The following SLC20A2 variants were observed in gnomAD, a reference collection of about 807,000 sequenced individuals.
The protein encoded by SLC20A2 is sodium-dependent phosphate transporter 2.
SLC20A2 carries 30 observed loss-of-function variants against 61.0 expected under a neutral mutation model. The ratio of observed to expected loss-of-function variants is 0.49; its 90% CI spans 0.37 to 0.67. The LOEUF is 0.67. Among genes scored for constraint, SLC20A2 ranks in the 30% least tolerant of loss-of-function variants. The pLI is 0.00. For synonymous variants in SLC20A2, 351 were observed against 353.3 expected, an observed-to-expected ratio of 0.99 and a Z score of 0.07; for missense variants, 626 against 866.4, an observed-to-expected ratio of 0.72 and a Z score of 3.48.
intron 8 of SLC20A2, among the ~76,000 whole-genome samples, chr8:42,434,742 C>T (rs553286089): frequency 3.3e-5 from 5 of 152,328 alleles, no homozygotes; most frequent in South Asian, 2.1e-4. Flanking sequence ...TTTCACCAGA[C>T]GCTCTCCCTG....
At chr8:42,468,347 G>C (rs994154959) in intron 2 of SLC20A2, among the ~76,000 whole-genome samples, 4 of 152,204 alleles carry the variant, frequency 2.6e-5, no homozygotes, top group African/African-American at 9.6e-5. Context: ...GAGGAGGAGA[G>C]TTTGTAAAGA....
chr8:42,502,210 A>G (rs1810364809), upstream of SLC20A2: 1 of 151,976 alleles, frequency 6.6e-6, no homozygotes, highest in African/African-American at 2.4e-5. Flanking sequence ...TTCCATTTCA[A>G]CGACTTCAAC....
intron 1 of SLC20A2, among the ~76,000 whole-genome samples, chr8:42,525,948 T>C (rs1811905938): frequency 6.6e-6 from 1 of 152,074 alleles, no homozygotes; most frequent in Non-Finnish European, 1.5e-5. Flanking sequence ...GATATAAATG[T>C]TGAATAAAGA....
intron 1 of SLC20A2, among the ~76,000 whole-genome samples, chr8:42,498,783 C>T (rs1241720301): frequency 3.4e-5 from 5 of 147,544 alleles, no homozygotes; most frequent in Non-Finnish European, 5.9e-5. Flanking sequence ...AGAGAACATT[C>T]TAGGGATGTG....
At chr8:42,439,217 C>T (rs1804571586) in intron 7 of SLC20A2, among the ~76,000 whole-genome samples, 1 of 152,198 alleles carries the variant, frequency 6.6e-6, no homozygotes, top group Admixed American at 6.5e-5. Context: ...CCAGTGCCTC[C>T]GGTTAGACTA....
chr8:42,491,530 G>C (rs896554919), intron 1 of SLC20A2, among the ~76,000 whole-genome samples: 1 of 151,878 alleles, frequency 6.6e-6, no homozygotes, highest in Non-Finnish European at 1.5e-5. Flanking sequence ...AATTAGCTGG[G>C]CATGGTGGCG....
At chr8:42,537,239 C>T (rs1470615447) in intron 1 of SLC20A2, among the ~76,000 whole-genome samples, 1 of 151,682 alleles carries the variant, frequency 6.6e-6, no homozygotes, top group Non-Finnish European at 1.5e-5. Context: ...TAAAAATTAG[C>T]TGAGCACAGT....
chr8:42,506,241 A>G (rs943371491), intron 1 of SLC20A2, among the ~76,000 whole-genome samples: 2 of 152,118 alleles, frequency 1.3e-5, no homozygotes, highest in South Asian at 4.2e-4. Flanking sequence ...TGCCTGGCCC[A>G]CGTTAGGAAT....
At chr8:42,488,465 G>A (rs1406846230) in intron 1 of SLC20A2, among the ~76,000 whole-genome samples, 2 of 152,086 alleles carry the variant, frequency 1.3e-5, no homozygotes, top group Non-Finnish European at 2.9e-5. Context: ...TGAGATTACA[G>A]GCGTGAGCCA....
intron 1 of SLC20A2, among the ~76,000 whole-genome samples, chr8:42,515,158 T>C (rs1434839301): frequency 1.3e-5 from 2 of 152,196 alleles, no homozygotes; most frequent in Admixed American, 6.5e-5. Context: ...TAAATTAGCT[T>C]GTCCAAGGTC....
intron 1 of SLC20A2, among the ~76,000 whole-genome samples, chr8:42,523,827 C>G (rs958287884): frequency 3.9e-5 from 6 of 152,192 alleles, no homozygotes; most frequent in Non-Finnish European, 5.9e-5. Flanking sequence ...TGGAACAGCT[C>G]CACCACCACA....
rs1812221407 is a variant in SLC20A2 at position 42,530,058 on chromosome 8, C to A, written c.-265+11763G>T. 2.0e-5 allele frequency among the ~76,000 whole-genome samples: 3 copies of A among 151,984 alleles called. No individual in the cohort carries two copies. The South Asian group carries it at 6.2e-4, about 32-fold the overall frequency. On this transcript the variant is annotated intron_variant, in intron 1 of 10. Transcript: ENST00000342228. ...ACGCACAAAATCACAATCTGATGGA[C>A]AAGTTTAATCATGCAATGAGTATGT...
chr8:42,447,406 G>A (rs1038015606), intron 5 of SLC20A2, among the ~76,000 whole-genome samples: 12 of 151,582 alleles, frequency 7.9e-5, no homozygotes, highest in Admixed American at 2.6e-4. Context: ...GGCTGGGTGC[G>A]GTGGCTCATG....
chr8:42,450,239 T>G (rs1805536315), intron 5 of SLC20A2, among the ~76,000 whole-genome samples: 1 of 151,982 alleles, frequency 6.6e-6, no homozygotes, highest in Admixed American at 6.6e-5. Context: ...TCGTTCTTTT[T>G]TTTTTTGAGA....
At chr8:42,473,234 G>A (rs1009084325) in intron 1 of SLC20A2, among the ~76,000 whole-genome samples, 2 of 152,214 alleles carry the variant, frequency 1.3e-5, no homozygotes, top group African/African-American at 4.8e-5. Flanking sequence ...AGGCCCCAGA[G>A]AGGAAAAGAG....
chr8:42,527,123 G>A (rs1812016907), intron 1 of SLC20A2, among the ~76,000 whole-genome samples: 1 of 149,820 alleles, frequency 6.7e-6, no homozygotes, highest in African/African-American at 2.5e-5. Context: ...AAAAAAAAGT[G>A]GGCCGGGTGT....
intron 1 of SLC20A2, among the ~76,000 whole-genome samples, chr8:42,520,679 T>A (rs1811590799): frequency 8.6e-6 from 1 of 115,838 alleles, no homozygotes; most frequent in African/African-American, 2.6e-5. Flanking sequence ...TGAGCTGAGA[T>A]CATGCCACTG....
intron 10 of SLC20A2, among the ~76,000 whole-genome samples, chr8:42,419,421 A>G (rs1351913408): frequency 6.6e-6 from 1 of 152,092 alleles, no homozygotes; most frequent in African/African-American, 2.4e-5. Context: ...AATAAAAAAA[A>G]TTAGCCAGGT....
rs1254590616 is a variant in SLC20A2, at chr8:42,522,586, C to T, written c.-265+19235G>A. Among the ~76,000 whole-genome samples, 3 of 120,474 alleles carry T rather than the reference C, an allele frequency of 2.5e-5. 1 individual carries two copies. The highest frequency in any genetic ancestry group is 6.0e-5 in the Non-Finnish European group (3 of 50,116). The allele number at this position is 120,474 out of a possible 152,430, so 79.0% of individuals were successfully genotyped here. On this transcript the variant is annotated intron_variant, in intron 1 of 10. Coordinates refer to the SLC20A2 transcript ENST00000342228. ...ATCCCAGCTACTTGGGAGGCTGAGG[C>T]AGGAGAATCACTTGAACCCGGGAGG...
Sources: allele counts gnomAD v4.1 joint callset (sites outside exome capture counted in the v4.1 genomes callset), GRCh38; gene constraint gnomAD v4.1.1; transcripts MANE v1.5; gene names NCBI Gene and HGNC (gene_info 2026-07-23, HGNC 2026-07-21).